Variants in CCDC144A observed in about 807,000 individuals in gnomAD.
CCDC144A encodes coiled-coil domain containing 144A.
Under a neutral mutation model 143.8 loss-of-function variants are expected in CCDC144A, and 41 were observed. That is an observed-to-expected ratio of 0.29 (90% confidence interval 0.22 to 0.37). CCDC144A has a LOEUF of 0.37. Ranked by LOEUF, CCDC144A falls within the 10% of genes least tolerant of loss-of-function variation. The pLI is 1.00. For synonymous variants in CCDC144A, 242 were observed against 517.9 expected, an observed-to-expected ratio of 0.47 and a Z score of 7.23; for missense variants, 637 against 1,488.8, an observed-to-expected ratio of 0.43 and a Z score of 9.41.
At chr17:16,768,162 T>C (rs1293128523) in intron 15 of CCDC144A, among the ~76,000 whole-genome samples, 1 of 152,262 alleles carries the variant, frequency 6.6e-6, no homozygotes, top group African/African-American at 2.4e-5. Flanking sequence ...AGTAAATTTA[T>C]TTAATCTAAA....
the CCDC144A span, among the ~76,000 whole-genome samples, chr17:16,682,883 G>GTTTTTTTTTTT: frequency 3.1e-3 from 143 of 46,454 alleles, 51 homozygotes; most frequent in Non-Finnish European, 5.6e-3. Context: ...TGGATTCTCT[G>GTTTTTTTTTTT]TTTTTTTTTT....
At chr17:16,721,449 T>C (rs28625624) in intron 8 of CCDC144A, among the ~76,000 whole-genome samples, 8,566 of 150,698 alleles carry the variant, frequency 0.057, 366 homozygotes, top group East Asian at 0.17. Flanking sequence ...TTGCTGTTTT[T>C]AAATTTTGAA....
intron 6 of CCDC144A, among the ~76,000 whole-genome samples, chr17:16,713,769 A>G (rs1912582841): frequency 6.6e-6 from 1 of 152,220 alleles, no homozygotes; most frequent in African/African-American, 2.4e-5. Flanking sequence ...TTTAAAGGGT[A>G]AAAATATAGT....
rs1915933010 is a variant in CCDC144A, at chr17:16,774,343, A to G, written c.*710A>G. ...ATAACTACTTCATAATCGGAAAGTT[A>G]ACATCAATACACTTGATCATTTAAT... On this transcript the variant is annotated 3_prime_UTR_variant, in exon 17 of 17. Transcript: ENST00000399273. 6.8e-6 allele frequency: 1 copy of G among 146,438 alleles called. No homozygotes were observed. The highest frequency in any genetic ancestry group is 2.3e-4 in the South Asian group (1 of 4,352). 9.1% of individuals were successfully genotyped at this position (146,438 alleles called of 1,614,324 possible). A position where few individuals can be genotyped will look rare whatever the true frequency, so the allele number is the denominator to read the frequency against.
At chr17:16,764,649 G>A (rs1915520438) in intron 15 of CCDC144A, 1 of 188,892 alleles carries the variant, frequency 5.3e-6, no homozygotes. Flanking sequence ...AAGGACCCAA[G>A]GTGAATACTT....
intron 12 of CCDC144A, among the ~76,000 whole-genome samples, chr17:16,737,877 C>T (rs2143263021): frequency 1.3e-5 from 2 of 152,112 alleles, no homozygotes; most frequent in Admixed American, 6.5e-5. Flanking sequence ...TAAGTACATA[C>T]ATTTTAAAAA....
chr17:16,713,196 A>C (rs1912549468), intron 6 of CCDC144A, among the ~76,000 whole-genome samples: 2 of 151,976 alleles, frequency 1.3e-5, no homozygotes, highest in Non-Finnish European at 2.9e-5. Flanking sequence ...GTGAATTATA[A>C]AGGGCATAAG....
chr17:16,750,910 G>T lies in CCDC144A; in HGVS notation c.3373-10515G>T, dbSNP rs1597582747. Among the ~76,000 whole-genome samples the T allele has an allele frequency of 2.6e-5, 4 of 152,202 alleles. No homozygotes were observed. In the South Asian group the frequency reaches 8.3e-4, roughly 32 times the overall value. On this transcript the variant is annotated intron_variant, in intron 12 of 16. Transcript: ENST00000399273. Reference sequence around the variant, plus strand: ...TTCTTTTTAAAAATGGCTCTGTCGTGTTTCAACTTTTGGATGGTTATACTG... The same window carrying T: ...TTCTTTTTAAAAATGGCTCTGTCGTTTTTCAACTTTTGGATGGTTATACTG...
At chr17:16,744,894 A>G (rs1914423086) in intron 12 of CCDC144A, among the ~76,000 whole-genome samples, 1 of 152,188 alleles carries the variant, frequency 6.6e-6, no homozygotes, top group Admixed American at 6.5e-5. Context: ...TAAAACTCAA[A>G]AACAGGCTGT....
chr17:16,716,519 G>C (rs1025615900), intron 6 of CCDC144A, among the ~76,000 whole-genome samples: 3 of 151,956 alleles, frequency 2.0e-5, no homozygotes, highest in Non-Finnish European at 4.4e-5. Flanking sequence ...AAATATGTGG[G>C]AAATTTACCA....
chr17:16,673,831 A>T, the CCDC144A span, among the ~76,000 whole-genome samples: 1 of 152,126 alleles, frequency 6.6e-6, no homozygotes, highest in African/African-American at 2.4e-5. Flanking sequence ...CCACATTTTG[A>T]GCATTATTTT....
At chr17:16,682,255 GAGAGAGAGAATGAGAACCAGAC>G in the CCDC144A span, among the ~76,000 whole-genome samples, 3 of 151,838 alleles carry the variant, frequency 2.0e-5, no homozygotes, top group African/African-American at 7.3e-5. Context: ...GAGAGACAGA[GAGAGAGAGAATGAGAACCAGAC>G]AGATACAGAG....
At chr17:16,769,982 C>G (rs1915761572) in intron 15 of CCDC144A, among the ~76,000 whole-genome samples, 1 of 151,058 alleles carries the variant, frequency 6.6e-6, no homozygotes, top group Non-Finnish European at 1.5e-5. Flanking sequence ...TGCACACCAC[C>G]ACGCCTGGCT....
chr17:16,750,341 G>A (rs1176147259), intron 12 of CCDC144A, among the ~76,000 whole-genome samples: 1 of 151,022 alleles, frequency 6.6e-6, no homozygotes, highest in Non-Finnish European at 1.5e-5. Context: ...CTCTGTCACT[G>A]ATGAGGCTTA....
intron 15 of CCDC144A, chr17:16,766,020 CAT>C (rs1274053382): frequency 2.6e-5 from 4 of 152,298 alleles, no homozygotes; most frequent in Non-Finnish European, 4.4e-5. Flanking sequence ...GTCCTGATGA[CAT>C]GTGTCCAAGG....
chr17:16,688,484 G>GTTTTTTTTTTTT (rs66493875), upstream of CCDC144A, among the ~76,000 whole-genome samples: 6 of 71,618 alleles, frequency 8.4e-5, no homozygotes, highest in African/African-American at 3.2e-4. Context: ...TTCTTTTTCT[G>GTTTTTTTTTTTT]TTTTTTTTTT....
chr17:16,752,217 G>A (rs543020787), intron 12 of CCDC144A, among the ~76,000 whole-genome samples: 4 of 152,182 alleles, frequency 2.6e-5, no homozygotes, highest in Admixed American at 6.5e-5. Context: ...AGCGCGAGCC[G>A]TGTTGTGAAC....
Position 16,773,731 on chromosome 17 carries a change from A to G in CCDC144A, c.*98A>G, listed in dbSNP as rs1915912265. 1.5e-6 allele frequency: 2 copies of G among 1,290,742 alleles called. No homozygotes were observed. The highest frequency in any genetic ancestry group is 2.8e-5 in the East Asian group (1 of 35,602). The allele number at this position is 1,290,742 out of a possible 1,614,324, so 80.0% of individuals were successfully genotyped here. A position where few individuals can be genotyped will look rare whatever the true frequency, so the allele number is the denominator to read the frequency against. ...TTACTAAAGGGAAATATTCTATATT[A>G]TACATGTCTGATGAAAATTTATATA... is the stretch of plus-strand genomic sequence containing the variant. On this transcript the variant is annotated 3_prime_UTR_variant, in exon 17 of 17. Transcript: ENST00000399273.
At position 16,709,165 on chromosome 17, in the gene CCDC144A, A is replaced by T. The variant is rs1912236445; in HGVS notation, c.1108A>T (p.Lys370Ter). 2 of 1,611,748 alleles carry T rather than the reference A, an allele frequency of 1.2e-6. No homozygotes were observed. The highest frequency in any genetic ancestry group is 1.7e-6 in the Non-Finnish European group (2 of 1,179,652). ...TFPEQKEPSL[K>*]NIIHPYYHPY... ...TCCTGAACAAAAAGAACCCAGTCTC[A>T]AAAATATCATCCATCCATACTATCA... Residue 370 changes from lysine to a stop codon, truncating the protein, a stop_gained, in exon 5 of 17, where the codon AAA becomes TAA. Transcript: ENST00000399273. LOFTEE classifies it high-confidence loss of function.
Sources: allele counts gnomAD v4.1 joint callset (sites outside exome capture counted in the v4.1 genomes callset), GRCh38; gene constraint gnomAD v4.1.1; transcripts MANE v1.5; gene names NCBI Gene and HGNC (gene_info 2026-07-23, HGNC 2026-07-21).